SMCO1: variants seen among roughly 807,000 people sequenced by gnomAD.
SMCO1 encodes the protein single-pass membrane protein with coiled-coil domains 1, also known as single-pass membrane and coiled-coil domain-containing protein 1.
Under a neutral mutation model 7.5 loss-of-function variants are expected in SMCO1, and 9 were observed. That is an observed-to-expected ratio of 1.20 (90% CI 0.72 to 2.09). SMCO1 has a LOEUF of 2.09. Among genes scored for constraint, SMCO1 ranks in the 30% most tolerant of loss-of-function variants. SMCO1 has a pLI of 0.00. For missense variants in SMCO1, 219 were observed against 253.1 expected (o/e 0.87, Z 0.91); for synonymous variants, 90 against 93.8 (o/e 0.96, Z 0.23).
chr3:196,515,070 A>G (rs767759303), intron 1 of SMCO1, 90 bp downstream of exon 1: 2 of 1,428,788 alleles, frequency 1.4e-6, no homozygotes, highest in Non-Finnish European at 2.0e-6. Flanking sequence ...GCATGTCTGC[A>G]GTTCTTTATT....
chr3:196,517,842 TA>T (rs1325247413), upstream of SMCO1, among the ~76,000 whole-genome samples: 6 of 152,258 alleles, frequency 3.9e-5, no homozygotes, highest in East Asian at 1.9e-4. Context: ...CAGGAGTTAT[TA>T]AAAAATTATT....
chr3:196,519,072 G>A (rs1733445013), upstream of SMCO1, among the ~76,000 whole-genome samples: 1 of 152,192 alleles, frequency 6.6e-6, no homozygotes, highest in Non-Finnish European at 1.5e-5. Flanking sequence ...TTGGTAAAGG[G>A]TCCCCAGCTA....
At chr3:196,517,104 CAAAAAAAAAAAAAAAAAA>C (rs56104987), upstream of SMCO1, among the ~76,000 whole-genome samples, 1 of 35,738 alleles carries the variant, frequency 2.8e-5, no homozygotes, top group Non-Finnish European at 4.3e-5. Flanking sequence ...GACTCCATCG[CAAAAAAAAAAAAAAAAAA>C]AAAAAAAAAA....
chr3:196,509,426 T>C, intron 2 of SMCO1, 94 bp downstream of exon 2: 1 of 1,065,154 alleles, frequency 9.4e-7, no homozygotes, highest in Non-Finnish European at 1.4e-6. Context: ...TACAATCCAT[T>C]GTGGGAAACA....
chr3:196,514,014 A>G (rs537864878), intron 1 of SMCO1, among the ~76,000 whole-genome samples: 19 of 152,198 alleles, frequency 1.2e-4, no homozygotes, highest in Admixed American at 2.0e-4. Context: ...ATCTCCATCA[A>G]ATGAGTTTCT....
the SMCO1 span, among the ~76,000 whole-genome samples, chr3:196,520,429 A>G: frequency 2.0e-5 from 3 of 151,944 alleles, no homozygotes; most frequent in Non-Finnish European, 4.4e-5. Context: ...GAATGTCCCA[A>G]CCCTTCTAGT....
rs1292009562 is a variant in SMCO1 at position 196,508,449 on chromosome 3, T to C, written c.201-118A>G. The stretch of plus-strand genomic sequence containing the variant: ...ACTAGGAGAACCAGCTGTTGTAATT[T>C]AGAAAATATTTACTTTAGAATTTAA... On this transcript the variant is annotated intron_variant, in intron 2 of 2. Coordinates refer to ENST00000397537, the MANE Select transcript of SMCO1 (RefSeq NM_001077657.3). The C allele has an allele frequency of 5.4e-6, 4 of 733,978 alleles. No homozygotes were observed. In the Admixed American group the frequency reaches 1.4e-4, roughly 25 times the overall value. 45.5% of individuals were successfully genotyped at this position (733,978 alleles called of 1,614,324 possible).
chr3:196,510,785 G>A lies in SMCO1; in HGVS notation c.51-1116C>T, dbSNP rs531677625. On this transcript the variant is annotated intron_variant, in intron 1 of 2. Coordinates refer to ENST00000397537, the MANE Select transcript of SMCO1 (RefSeq NM_001077657.3). Reference sequence around the variant, plus strand: ...GTTAGCCTTTCATGAACTAAACTACGTTCTTGGAGGGAAGGAATCAGAGAC... The same window carrying A: ...GTTAGCCTTTCATGAACTAAACTACATTCTTGGAGGGAAGGAATCAGAGAC... 1.1e-3 allele frequency among the ~76,000 whole-genome samples: 174 copies of A among 152,176 alleles called. 1 individual carries two copies. Among genetic ancestry groups the A allele is most frequent in the Non-Finnish European group, 4.9e-4 (33 of 68,000 alleles).
intron 1 of SMCO1, 118 bp downstream of exon 1, chr3:196,515,042 G>A (rs1733349791): frequency 7.8e-7 from 1 of 1,285,372 alleles, no homozygotes; most frequent in Middle Eastern, 1.9e-4. Context: ...ACCGGCCACA[G>A]AGACAGAATT....
chr3:196,511,187 C>T (rs1733216337), intron 1 of SMCO1, among the ~76,000 whole-genome samples: 1 of 134,472 alleles, frequency 7.4e-6, no homozygotes, highest in African/African-American at 3.8e-5. Flanking sequence ...GGAAACCTGC[C>T]TGGGCCACCT....
chr3:196,509,557 CT>C lies in SMCO1; in HGVS notation c.162del (p.Ala55ProfsTer19). 1 of 1,614,034 alleles carries C rather than the reference CT, an allele frequency of 6.2e-7. No homozygotes were observed. The highest frequency in any genetic ancestry group is 8.5e-7 in the Non-Finnish European group (1 of 1,179,938). The stretch of plus-strand genomic sequence containing the variant: ...ACTGCTGTCCACATCTCATCTTGGG[CT>C]GCTTGGCTTGCCAAAGCCTTACTAT... ...EHHSKALASQ[A>X]AQDEMWTAVR... is the part of the protein sequence containing the mutation. On this transcript the variant is annotated frameshift_variant, in exon 2 of 3. Transcript: ENST00000397537. LOFTEE classifies it low-confidence loss of function (END_TRUNC).
upstream of SMCO1, among the ~76,000 whole-genome samples, chr3:196,515,983 G>GAC (rs1733371971): frequency 3.7e-5 from 3 of 81,868 alleles, no homozygotes; most frequent in South Asian, 8.9e-4. Context: ...CGGGCAAGAG[G>GAC]ATAGGATATA....
the SMCO1 span, among the ~76,000 whole-genome samples, chr3:196,520,807 G>C: frequency 6.6e-6 from 1 of 152,112 alleles, no homozygotes; most frequent in African/African-American, 2.4e-5. Context: ...AGAGACTGAA[G>C]GCACAAACTG....
At position 196,507,912 on chromosome 3, in the gene SMCO1, TC is replaced by T; in HGVS notation, c.619del (p.Glu207SerfsTer2). 3 of 1,612,984 alleles carry T rather than the reference TC, an allele frequency of 1.9e-6. No homozygotes were observed. The highest frequency in any genetic ancestry group is 2.5e-6 in the Non-Finnish European group (3 of 1,179,342). On this transcript the variant is annotated frameshift_variant, in exon 3 of 3. Transcript: ENST00000397537. LOFTEE classifies it high-confidence loss of function. ...TTAGTTTTTGACAGATGGTATCAAC[TC>T]TTCGAGGGATGACTTTTGCTTTTCA... is the stretch of plus-strand genomic sequence containing the variant. Reference protein sequence around the residue: ...TPEKQKSSLEELIPSVKN With the variant: ...TPEKQKSSLEXLIPSVKN
intron 1 of SMCO1, among the ~76,000 whole-genome samples, chr3:196,514,582 C>T (rs1733333007): frequency 6.6e-6 from 1 of 152,200 alleles, no homozygotes; most frequent in Admixed American, 6.5e-5. Context: ...TTCCTACAGG[C>T]TGTGAGCTCC....
chr3:196,518,847 G>T (rs776258312), upstream of SMCO1, among the ~76,000 whole-genome samples: 1 of 152,302 alleles, frequency 6.6e-6, no homozygotes, highest in Non-Finnish European at 1.5e-5. Flanking sequence ...TGGATGTCAG[G>T]CTTACTGGGG....
chr3:196,516,003 A>T (rs555537620), upstream of SMCO1, among the ~76,000 whole-genome samples: 1 of 86,738 alleles, frequency 1.2e-5, no homozygotes, highest in Admixed American at 1.1e-4. Flanking sequence ...ATATATATAT[A>T]TATATATATA....
intron 1 of SMCO1, among the ~76,000 whole-genome samples, chr3:196,512,836 C>T (rs75588118): frequency 8.5e-4 from 129 of 152,182 alleles, no homozygotes; most frequent in African/African-American, 3.0e-3. Context: ...ATGTTTTGTG[C>T]ATCTCCACAA....
upstream of SMCO1, among the ~76,000 whole-genome samples, chr3:196,516,475 T>C (rs1733391342): frequency 6.6e-6 from 1 of 152,162 alleles, no homozygotes. Flanking sequence ...TGAGTAGGTA[T>C]GTTTTGAGCA....
Sources: allele counts gnomAD v4.1 joint callset (sites outside exome capture counted in the v4.1 genomes callset), GRCh38; gene constraint gnomAD v4.1.1; transcripts MANE v1.5; gene names NCBI Gene and HGNC (gene_info 2026-07-23, HGNC 2026-07-21).